Variants in BCAS3 observed in about 807,000 individuals in gnomAD.
BCAS3 encodes the protein BCAS3 microtubule associated cell migration factor, also known as BCAS4/BCAS3 fusion.
In BCAS3, 53 loss-of-function variants were observed where a neutral mutation model predicts 116.1. The ratio of observed to expected loss-of-function variants is 0.46; its 90% CI spans 0.37 to 0.57. The LOEUF (loss-of-function observed/expected upper bound fraction) is 0.57, where lower values mean the gene tolerates loss of function less well. Among genes scored for constraint, BCAS3 ranks in the 20% least tolerant of loss-of-function variants. BCAS3 has a pLI of 0.00. For synonymous variants in BCAS3, 391 were observed against 408.2 expected (o/e 0.96, Z 0.51); for missense variants, 917 against 1,165.4 (o/e 0.79, Z 3.10).
intron 22 of BCAS3, among the ~76,000 whole-genome samples, chr17:61,269,760 G>A (rs1450446359): frequency 6.6e-6 from 1 of 150,492 alleles, no homozygotes; most frequent in Non-Finnish European, 1.5e-5. Context: ...AGTTATTCTT[G>A]GATTAATGTC....
intron 19 of BCAS3, among the ~76,000 whole-genome samples, chr17:61,057,347 C>G (rs2069488893): frequency 6.6e-6 from 1 of 152,160 alleles, no homozygotes. Flanking sequence ...TCATTGATTT[C>G]CCAGATAACC....
rs2058850367 is a variant in BCAS3, at chr17:61,368,320, G to A, written c.2426-7G>A. 3 of 1,587,354 alleles carry A rather than the reference G, an allele frequency of 1.9e-6. No individual in the cohort carries two copies. Among genetic ancestry groups the A allele is most frequent in the South Asian group, 2.2e-5 (2 of 89,332 alleles). ...ACTCAACGTCAGATGTCCCGTGTGT[G>A]CCACAGGTACCTTTGACAGGAGCGT... On this transcript the variant is annotated splice_polypyrimidine_tract_variant and splice_region_variant and intron_variant, in intron 22 of 23. Coordinates refer to ENST00000407086, the MANE Select transcript of BCAS3 (RefSeq NM_017679.5). The surrounding 1 kb of genome is among the most constrained non-coding windows in gnomAD (Gnocchi z 6.0).
Position 61,208,877 on chromosome 17 carries a change from G to GAAAAA in BCAS3, c.2425+124324_2425+124328dup, listed in dbSNP as rs11299754. Among the ~76,000 whole-genome samples the GAAAAA allele has an allele frequency of 1.4e-5, 2 of 143,778 alleles. No individual in the cohort carries two copies. The allele number at this position is 143,778 out of a possible 152,430, so 94.3% of individuals were successfully genotyped here. A position where few individuals can be genotyped will look rare whatever the true frequency, so the allele number is the denominator to read the frequency against. On this transcript the variant is annotated intron_variant, in intron 22 of 23. Transcript: ENST00000407086. The surrounding 1 kb of genome is among the most constrained non-coding windows in gnomAD (Gnocchi z 4.5). ...TTGCTAAGAGAAAAGTGCTAAAAAGGAAAAAAAAAAAAAAAGGAGGGCCTG... is the reference window on the plus strand; with the variant it reads ...TTGCTAAGAGAAAAGTGCTAAAAAGGAAAAAAAAAAAAAAAAAAAAGGAGGGCCTG...
At position 61,038,069 on chromosome 17, in the gene BCAS3, C is replaced by CT. The variant is rs754624668; in HGVS notation, c.1928+22dup. On this transcript the variant is annotated intron_variant, in intron 18 of 23. Coordinates refer to ENST00000407086, the MANE Select transcript of BCAS3 (RefSeq NM_017679.5). ...ACTCTGGTTAGGTAGTACCTCTTTT[C>CT]TTTTTTTCTTTTTAACAGCTTCATT... 2.5e-6 allele frequency: 4 copies of CT among 1,601,618 alleles called. No homozygotes were observed. The highest frequency in any genetic ancestry group is 2.2e-5 in the South Asian group (2 of 89,236).
chr17:61,190,318 G>A (rs913609848), intron 22 of BCAS3, among the ~76,000 whole-genome samples: 3 of 152,012 alleles, frequency 2.0e-5, no homozygotes, highest in Admixed American at 6.5e-5. Flanking sequence ...CTGAGGTCCG[G>A]AGTTCAAGAC....
chr17:61,380,488 A>C lies in BCAS3; in HGVS notation c.2594-11489A>C, dbSNP rs780010514. 1 of 1,593,932 alleles carries C rather than the reference A, an allele frequency of 6.3e-7. No individual in the cohort carries two copies. Among genetic ancestry groups the C allele is most frequent in the Non-Finnish European group, 8.5e-7 (1 of 1,175,982 alleles). On this transcript the variant is annotated intron_variant, in intron 23 of 23. Transcript: ENST00000407086. The surrounding 1 kb of genome is among the most constrained non-coding windows in gnomAD (Gnocchi z 4.2). ...AGTTTGTGATCCGCTTTAAAGGAAT[A>C]TTTTATTTTCAATACAGACACAGCC... is the stretch of plus-strand genomic sequence containing the variant.
At chr17:60,719,969 G>T (rs986314831) in intron 5 of BCAS3, among the ~76,000 whole-genome samples, 17 of 152,118 alleles carry the variant, frequency 1.1e-4, no homozygotes. Context: ...AGCAGAAATA[G>T]AATTTGATTA....
rs2054734539 is a variant in BCAS3 at position 61,316,363 on chromosome 17, G to A, written c.2426-51964G>A. ...TACTTAGTAAATGTGTGCTGAATGT[G>A]GGAGACGTCTTTTTTAAGGAAAGCC... On this transcript the variant is annotated intron_variant, in intron 22 of 23. Coordinates refer to ENST00000407086, the MANE Select transcript of BCAS3 (RefSeq NM_017679.5). This position sits in a 1 kb window ranked among gnomAD's most constrained non-coding sequence, Gnocchi z 5.8. Among the ~76,000 whole-genome samples the A allele has an allele frequency of 6.6e-6, 1 of 152,124 alleles. No homozygotes were observed. The highest frequency in any genetic ancestry group is 2.4e-5 in the African/African-American group (1 of 41,406).
intron 22 of BCAS3, among the ~76,000 whole-genome samples, chr17:61,153,325 G>A (rs766661750): frequency 3.9e-5 from 6 of 152,286 alleles, no homozygotes; most frequent in Non-Finnish European, 7.4e-5. Context: ...CTCCAGTGGG[G>A]TACTCCACCA....
chr17:60,826,442 T>G (rs2050434710), intron 7 of BCAS3, among the ~76,000 whole-genome samples: 1 of 152,168 alleles, frequency 6.6e-6, no homozygotes, highest in Non-Finnish European at 1.5e-5. Context: ...CTCAAAGTGC[T>G]GGGATTACAG....
At chr17:60,684,121 A>G (rs1268463811) in intron 3 of BCAS3, 85 bp downstream of exon 3, 5 of 1,268,070 alleles carry the variant, frequency 3.9e-6, no homozygotes, top group African/African-American at 1.5e-5. Flanking sequence ...CACTAGTACC[A>G]GCAACTTCCA....
intron 5 of BCAS3, among the ~76,000 whole-genome samples, chr17:60,710,886 T>G (rs903531187): frequency 6.6e-6 from 1 of 151,108 alleles, no homozygotes; most frequent in Non-Finnish European, 1.5e-5. Flanking sequence ...CACTCTATCC[T>G]CCACCTCCTG....
At chr17:61,290,554 A>C (rs1340866836) in intron 22 of BCAS3, among the ~76,000 whole-genome samples, 1 of 152,212 alleles carries the variant, frequency 6.6e-6, no homozygotes, top group Non-Finnish European at 1.5e-5. Flanking sequence ...TAGCTTTTTA[A>C]TTTATACTTT....
At chr17:61,154,553 A>C (rs1019650398) in intron 22 of BCAS3, among the ~76,000 whole-genome samples, 21 of 151,746 alleles carry the variant, frequency 1.4e-4, no homozygotes, top group Non-Finnish European at 2.5e-4. Context: ...CTCCCAACTC[A>C]GCCACCCCAG....
At chr17:61,197,417 GAT>G (rs1254988010) in intron 22 of BCAS3, among the ~76,000 whole-genome samples, 1 of 152,158 alleles carries the variant, frequency 6.6e-6, no homozygotes, top group African/African-American at 2.4e-5. Context: ...AATCCATAAA[GAT>G]ATATAAATTA....
intron 22 of BCAS3, among the ~76,000 whole-genome samples, chr17:61,137,333 A>T (rs1425308695): frequency 6.6e-6 from 1 of 152,180 alleles, no homozygotes; most frequent in Non-Finnish European, 1.5e-5. Flanking sequence ...CCATCTGACC[A>T]TGTTGCTTCC....
chr17:60,823,682 A>G (rs1440273476), intron 7 of BCAS3, among the ~76,000 whole-genome samples: 6 of 152,180 alleles, frequency 3.9e-5, no homozygotes, highest in Non-Finnish European at 8.8e-5. Flanking sequence ...TTTTTGTTCT[A>G]GGAAGTTTCG....
At position 61,276,972 on chromosome 17, in the gene BCAS3, C is replaced by G. The variant is rs2050808273; in HGVS notation, c.2426-91355C>G. Among the ~76,000 whole-genome samples, 1 of 151,978 alleles carries G rather than the reference C, an allele frequency of 6.6e-6. No homozygotes were observed. Among genetic ancestry groups the G allele is most frequent in the Non-Finnish European group, 1.5e-5 (1 of 67,980 alleles). On this transcript the variant is annotated intron_variant, in intron 22 of 23. Coordinates refer to ENST00000407086, the MANE Select transcript of BCAS3 (RefSeq NM_017679.5). This position sits in a 1 kb window ranked among gnomAD's most constrained non-coding sequence, Gnocchi z 4.2. ...TATGAGGAAAGAATAGTAGTTTCAA[C>G]AAGTGGTAGGCTGGGCATGGTGGCT...
chr17:61,287,984 G>A (rs1282906151), intron 22 of BCAS3, among the ~76,000 whole-genome samples: 1 of 152,158 alleles, frequency 6.6e-6, no homozygotes, highest in Non-Finnish European at 1.5e-5. Context: ...AGAGGAATCG[G>A]GACTCGAACT....
Sources: allele counts gnomAD v4.1 joint callset (sites outside exome capture counted in the v4.1 genomes callset), GRCh38; gene constraint gnomAD v4.1.1; non-coding constraint Gnocchi (gnomAD v3.1); transcripts MANE v1.5; gene names NCBI Gene and HGNC (gene_info 2026-07-23, HGNC 2026-07-21).